Variants in CNTNAP2 observed in about 807,000 individuals in gnomAD.
The protein encoded by CNTNAP2 is contactin-associated protein-like 2.
In CNTNAP2, 98 loss-of-function variants were observed where a neutral mutation model predicts 155.2. The ratio of observed to expected loss-of-function variants is 0.63; its 90% CI spans 0.54 to 0.75. The LOEUF (loss-of-function observed/expected upper bound fraction) is 0.75. Ranked by LOEUF, CNTNAP2 falls within the 30% of genes least tolerant of loss-of-function variation. The pLI is 0.00. For synonymous variants in CNTNAP2, 651 were observed against 631.2 expected, an observed-to-expected ratio of 1.03 and a Z score of -0.47; for missense variants, 1,727 against 1,688.1, an observed-to-expected ratio of 1.02 and a Z score of -0.40.
chr7:146,528,368 G>A (rs1369978094), intron 1 of CNTNAP2, among the ~76,000 whole-genome samples: 1 of 152,148 alleles, frequency 6.6e-6, no homozygotes, highest in Non-Finnish European at 1.5e-5. Context: ...GCAAAGCAGT[G>A]TAACACAGTC....
chr7:147,017,005 T>G (rs1255528097), intron 3 of CNTNAP2, among the ~76,000 whole-genome samples: 1 of 151,244 alleles, frequency 6.6e-6, no homozygotes, highest in African/African-American at 2.4e-5. Context: ...CATTTATTCT[T>G]AATAATATGT....
At chr7:147,805,713 T>C (rs76275298) in intron 13 of CNTNAP2, among the ~76,000 whole-genome samples, 2,366 of 152,342 alleles carry the variant, frequency 0.016, 72 homozygotes, top group African/African-American at 0.054. Context: ...ATTCTATTGA[T>C]GTGATGTATC....
At chr7:146,523,640 T>C (rs1050660584) in intron 1 of CNTNAP2, among the ~76,000 whole-genome samples, 1 of 152,092 alleles carries the variant, frequency 6.6e-6, no homozygotes, top group Non-Finnish European at 1.5e-5. Flanking sequence ...ATAAAGTAAA[T>C]AGAATAATAC....
chr7:146,446,457 A>C (rs1413694526), intron 1 of CNTNAP2, among the ~76,000 whole-genome samples: 1 of 152,146 alleles, frequency 6.6e-6, no homozygotes, highest in Non-Finnish European at 1.5e-5. Context: ...TTGCAACCAG[A>C]CTAGCACTTT....
chr7:147,137,893 A>ATAGC, intron 8 of CNTNAP2, among the ~76,000 whole-genome samples: 1 of 128,322 alleles, frequency 7.8e-6, no homozygotes, highest in Admixed American at 8.2e-5. Flanking sequence ...AGATAGATAG[A>ATAGC]TAGATAGATA....
intron 1 of CNTNAP2, among the ~76,000 whole-genome samples, chr7:146,172,311 A>G (rs1262484200): frequency 6.6e-6 from 1 of 152,036 alleles, no homozygotes; most frequent in Non-Finnish European, 1.5e-5. Context: ...ACTGACATCT[A>G]GTGGGTGGAG....
chr7:147,299,362 T>G (rs980615286), intron 8 of CNTNAP2, among the ~76,000 whole-genome samples: 1 of 151,816 alleles, frequency 6.6e-6, no homozygotes, highest in African/African-American at 2.4e-5. Context: ...AATTTTTGTT[T>G]CCAAAGATCG....
intron 13 of CNTNAP2, among the ~76,000 whole-genome samples, chr7:147,877,467 A>C (rs1799441468): frequency 6.6e-6 from 1 of 152,216 alleles, no homozygotes; most frequent in South Asian, 2.1e-4. Context: ...AGAATACTTA[A>C]CTAATATTTG....
chr7:146,817,153 A>G (rs1033977235), intron 2 of CNTNAP2, among the ~76,000 whole-genome samples: 1 of 152,164 alleles, frequency 6.6e-6, no homozygotes, highest in African/African-American at 2.4e-5. Flanking sequence ...CAAATACTGT[A>G]TTAGACTGTT....
chr7:147,966,141 A>G lies in CNTNAP2; in HGVS notation c.2256-11721A>G, dbSNP rs73464262. On this transcript the variant is annotated intron_variant, in intron 14 of 23. Coordinates refer to ENST00000361727, the MANE Select transcript of CNTNAP2 (RefSeq NM_014141.6). ...AGTAATCGATACAGGAATCACTTAT[A>G]TGGATCTGTGTTACTTGGAGGGGGC... 4.4e-3 allele frequency among the ~76,000 whole-genome samples: 666 copies of G among 152,266 alleles called. 2 individuals carry two copies. Among genetic ancestry groups the G allele is most frequent in the African/African-American group, 0.016 (650 of 41,552 alleles).
chr7:148,188,119 G>T (rs1047484988), intron 18 of CNTNAP2, among the ~76,000 whole-genome samples: 3 of 152,136 alleles, frequency 2.0e-5, no homozygotes, highest in Non-Finnish European at 2.9e-5. Flanking sequence ...GGGAGAGTAG[G>T]AATAGTTTAA....
chr7:147,287,925 T>A (rs1805218213), intron 8 of CNTNAP2, among the ~76,000 whole-genome samples: 1 of 152,160 alleles, frequency 6.6e-6, no homozygotes. Context: ...CTTGCCCTAA[T>A]GACGGTAAGA....
intron 3 of CNTNAP2, among the ~76,000 whole-genome samples, chr7:146,946,112 T>TTCCC (rs1797167967): frequency 6.6e-6 from 1 of 150,826 alleles, no homozygotes; most frequent in African/African-American, 2.5e-5. Flanking sequence ...CTTTCCTTCC[T>TTCCC]TCCTTCCTTC....
intron 21 of CNTNAP2, among the ~76,000 whole-genome samples, chr7:148,307,476 G>C (rs993276280): frequency 3.3e-5 from 5 of 152,208 alleles, no homozygotes; most frequent in Non-Finnish European, 7.3e-5. Flanking sequence ...TGCCACTTAA[G>C]ATGGTTCTGC....
intron 14 of CNTNAP2, among the ~76,000 whole-genome samples, chr7:147,975,320 C>T (rs550600961): frequency 7.2e-5 from 11 of 151,946 alleles, no homozygotes; most frequent in African/African-American, 2.7e-4. Flanking sequence ...TTGGGAAGGG[C>T]ATGGGGGGTG....
At chr7:147,295,255 G>T (rs983670969) in intron 8 of CNTNAP2, among the ~76,000 whole-genome samples, 6 of 100,436 alleles carry the variant, frequency 6.0e-5, no homozygotes, top group African/African-American at 2.0e-4. Flanking sequence ...GTGTACCCAT[G>T]TGTGTGTGTG....
intron 1 of CNTNAP2, among the ~76,000 whole-genome samples, chr7:146,761,318 G>A (rs1476884156): frequency 7.1e-6 from 1 of 140,622 alleles, no homozygotes; most frequent in Non-Finnish European, 1.5e-5. Flanking sequence ...AGGAAGGAAG[G>A]AAGGAAGGAA....
rs1452890634 is a variant in CNTNAP2 at position 146,604,779 on chromosome 7, A to G, written c.98-169492A>G. Among the ~76,000 whole-genome samples, 3 of 144,520 alleles carry G rather than the reference A, an allele frequency of 2.1e-5. No individual in the cohort carries two copies. The East Asian group carries it at 6.1e-4, about 29-fold the overall frequency. 94.8% of individuals were successfully genotyped at this position (144,520 alleles called of 152,430 possible). A position where few individuals can be genotyped will look rare whatever the true frequency, so the allele number is the denominator to read the frequency against. ...ATGAGTTCATGTCCTTTGTAGGGACATGGATGAAATTGGAAATCATCATTC... is the reference window on the plus strand; with the variant it reads ...ATGAGTTCATGTCCTTTGTAGGGACGTGGATGAAATTGGAAATCATCATTC... On this transcript the variant is annotated intron_variant, in intron 1 of 23. Coordinates refer to ENST00000361727, the MANE Select transcript of CNTNAP2 (RefSeq NM_014141.6).
chr7:148,008,065 T>G (rs28692746), intron 15 of CNTNAP2, among the ~76,000 whole-genome samples: 16,105 of 151,992 alleles, frequency 0.11, 1,195 homozygotes, highest in East Asian at 0.24. Flanking sequence ...CATGGATCCT[T>G]AAAAATAGTA....
Sources: allele counts gnomAD v4.1 joint callset (sites outside exome capture counted in the v4.1 genomes callset), GRCh38; gene constraint gnomAD v4.1.1; transcripts MANE v1.5; gene names NCBI Gene and HGNC (gene_info 2026-07-23, HGNC 2026-07-21).